The following PODXL variants were observed in gnomAD, a reference collection of about 807,000 sequenced individuals.
PODXL encodes podocalyxin like.
A neutral mutation model predicts 48.9 loss-of-function variants in PODXL; 20 were observed. That is an observed-to-expected ratio of 0.41 (90% CI 0.29 to 0.59). The LOEUF (loss-of-function observed/expected upper bound fraction) is 0.59, where lower values mean the gene tolerates loss of function less well. Ranked by LOEUF, PODXL falls within the 20% of genes least tolerant of loss-of-function variation. The pLI is 0.31. For missense variants in PODXL, 606 were observed against 675.1 expected (o/e 0.90, Z 1.13); for synonymous variants, 295 against 287.4 (o/e 1.03, Z -0.27).
rs1407895587 is a variant in PODXL at position 131,502,816 on chromosome 7, G to A, written c.*1495C>T. 6.6e-6 allele frequency: 1 copy of A among 152,660 alleles called. No homozygotes were observed. Among genetic ancestry groups the A allele is most frequent in the Admixed American group, 6.5e-5 (1 of 15,276 alleles). 9.5% of individuals were successfully genotyped at this position (152,660 alleles called of 1,614,324 possible). On this transcript the variant is annotated 3_prime_UTR_variant, in exon 9 of 9. Transcript: ENST00000378555. ...GCAGCTAACTGCCGAGCCCATAAAA[G>A]TCCTATATTGGGGAATAGACATAGC...
intron 1 of PODXL, among the ~76,000 whole-genome samples, chr7:131,527,699 C>T (rs1417214801): frequency 6.6e-6 from 1 of 152,190 alleles, no homozygotes. Context: ...CAGAGACATA[C>T]GGCAGCAGCT....
rs564129269 is a variant in PODXL at position 131,523,094 on chromosome 7, G to A, written c.101-11661C>T. The stretch of plus-strand genomic sequence containing the variant: ...GGTAACTCTTTATTTAGTATCTGGA[G>A]GGACTGCCAAGCTATTTTCCAAAGT... On this transcript the variant is annotated intron_variant, in intron 1 of 8. Coordinates refer to ENST00000378555, the MANE Select transcript of PODXL (RefSeq NM_001018111.3). Among the ~76,000 whole-genome samples the A allele has an allele frequency of 7.9e-4, 121 of 152,288 alleles. 1 individual carries two copies. Among genetic ancestry groups the A allele is most frequent in the Non-Finnish European group, 1.4e-3 (98 of 68,032 alleles).
chr7:131,525,212 A>G (rs1015367628), intron 1 of PODXL, among the ~76,000 whole-genome samples: 2 of 152,130 alleles, frequency 1.3e-5, no homozygotes, highest in Admixed American at 6.5e-5. Flanking sequence ...ACTTAATGTC[A>G]ATTTAGAAAA....
In PODXL at chr7:131,556,311, G is replaced by A. The variant is rs1479080807; in HGVS notation, c.49C>T (p.Pro17Ser). The A allele has an allele frequency of 1.3e-6, 2 of 1,507,216 alleles. No individual in the cohort carries two copies. Among genetic ancestry groups the A allele is most frequent in the African/African-American group, 1.4e-5 (1 of 69,566 alleles). The allele number at this position is 1,507,216 out of a possible 1,614,324, so 93.4% of individuals were successfully genotyped here. A position where few individuals can be genotyped will look rare whatever the true frequency, so the allele number is the denominator to read the frequency against. Residue 17 changes from proline (P) to serine (S), a missense_variant, in exon 1 of 9, where the codon CCG (proline) becomes TCG (serine). By Grantham distance (74) the Pro-to-Ser change is moderately conservative. Transcript: ENST00000378555. ...GACGGCGACGACGGCAGCAGCGGCGGCGTTGACAACAGTAGCAGCAGCGCC... is the reference window on the plus strand; with the variant it reads ...GACGGCGACGACGGCAGCAGCGGCGACGTTGACAACAGTAGCAGCAGCGCC... Reference protein sequence around the residue: ...LSALLLLLSTPPLLPSSPSPS... With the variant: ...LSALLLLLSTSPLLPSSPSPS...
At chr7:131,543,363 C>T (rs1355542935) in intron 1 of PODXL, among the ~76,000 whole-genome samples, 5 of 152,086 alleles carry the variant, frequency 3.3e-5, no homozygotes, top group African/African-American at 4.8e-5. Context: ...TGGCTTCAAA[C>T]GATCCTCCTG....
intron 1 of PODXL, among the ~76,000 whole-genome samples, chr7:131,544,433 G>C (rs956234833): frequency 1.4e-4 from 21 of 152,300 alleles, no homozygotes; most frequent in African/African-American, 4.6e-4. Context: ...GTGAACGAAA[G>C]GCCAGGACGG....
chr7:131,510,616 C>T lies in PODXL; in HGVS notation c.706+212G>A, dbSNP rs192151659. The stretch of plus-strand genomic sequence containing the variant: ...CCTCCTGAGTAGCTGGGATTACAGG[C>T]GCCTGCCACCATACCCAGCTAATGT... On this transcript the variant is annotated intron_variant, in intron 2 of 8. Coordinates refer to ENST00000378555, the MANE Select transcript of PODXL (RefSeq NM_001018111.3). Among the ~76,000 whole-genome samples the T allele has an allele frequency of 3.5e-3, 535 of 152,098 alleles. 4 individuals are homozygous for T. Among genetic ancestry groups the T allele is most frequent in the Admixed American group, 5.2e-3 (80 of 15,280 alleles).
At position 131,502,078 on chromosome 7, in the gene PODXL, C is replaced by G. The variant is rs1405622819; in HGVS notation, c.*2233G>C. 1 of 152,168 alleles carries G rather than the reference C, an allele frequency of 6.6e-6. No homozygotes were observed. The highest frequency in any genetic ancestry group is 1.9e-4 in the East Asian group (1 of 5,190). 9.4% of individuals were successfully genotyped at this position (152,168 alleles called of 1,614,324 possible). A position where few individuals can be genotyped will look rare whatever the true frequency, so the allele number is the denominator to read the frequency against. ...TCTCCAAGAGGCCATAGGGTTGCAG[C>G]CTTTGATTGATTTGCAGAGGCCTAT... On this transcript the variant is annotated 3_prime_UTR_variant, in exon 9 of 9. Transcript: ENST00000378555.
chr7:131,510,802 C>G (rs1389291844), intron 2 of PODXL, 26 bp downstream of exon 2: 1 of 1,613,838 alleles, frequency 6.2e-7, no homozygotes, highest in Non-Finnish European at 8.5e-7. Context: ...TTTCTTGGTG[C>G]TTGAAGAAAA....
At position 131,519,205 on chromosome 7, in the gene PODXL, G is replaced by A. The variant is rs984552647; in HGVS notation, c.101-7772C>T. ...CTTCAGGATATAGAGCTTTTCTCCT[G>A]TCACTGTCCAGTTTGGGCTGGTACT... On this transcript the variant is annotated intron_variant, in intron 1 of 8. Transcript: ENST00000378555. Among the ~76,000 whole-genome samples the A allele has an allele frequency of 2.6e-5, 4 of 152,152 alleles. No homozygotes were observed. In the South Asian group the frequency reaches 6.2e-4, roughly 24 times the overall value.
intron 1 of PODXL, among the ~76,000 whole-genome samples, chr7:131,537,056 G>T (rs1225876516): frequency 6.6e-6 from 1 of 152,184 alleles, no homozygotes; most frequent in Non-Finnish European, 1.5e-5. Flanking sequence ...GCCCAGGGAG[G>T]TGGAGGCTGC....
intron 1 of PODXL, among the ~76,000 whole-genome samples, chr7:131,547,695 T>C (rs567809256): frequency 6.6e-6 from 1 of 152,220 alleles, no homozygotes; most frequent in Non-Finnish European, 1.5e-5. Flanking sequence ...CAGTTAAAAG[T>C]AGGCCTTCGT....
intron 1 of PODXL, among the ~76,000 whole-genome samples, chr7:131,514,539 G>A (rs1797962787): frequency 6.6e-6 from 1 of 152,008 alleles, no homozygotes; most frequent in Admixed American, 6.6e-5. Context: ...CATCTGGCAA[G>A]ATACTAGATT....
intron 1 of PODXL, among the ~76,000 whole-genome samples, chr7:131,551,311 T>A (rs1798664146): frequency 6.6e-6 from 1 of 151,986 alleles, no homozygotes; most frequent in African/African-American, 2.4e-5. Flanking sequence ...CCCCACCAGC[T>A]GAGCTCCCTG....
chr7:131,526,376 C>G (rs1459756590), intron 1 of PODXL, among the ~76,000 whole-genome samples: 1 of 151,966 alleles, frequency 6.6e-6, no homozygotes, highest in Non-Finnish European at 1.5e-5. Flanking sequence ...CGAGTCTAAT[C>G]TGATAAATAA....
At chr7:131,539,400 G>A (rs1452365748) in intron 1 of PODXL, among the ~76,000 whole-genome samples, 2 of 152,066 alleles carry the variant, frequency 1.3e-5, no homozygotes, top group South Asian at 2.1e-4. Flanking sequence ...TTGTGATCTC[G>A]GCTTACTGCA....
chr7:131,530,918 C>T (rs1446383080), intron 1 of PODXL, among the ~76,000 whole-genome samples: 3 of 152,088 alleles, frequency 2.0e-5, no homozygotes, highest in Admixed American at 1.3e-4. Flanking sequence ...ATTAGCTGGG[C>T]GTGGTGGCAC....
chr7:131,549,246 A>G (rs1798631853), intron 1 of PODXL, among the ~76,000 whole-genome samples: 1 of 152,156 alleles, frequency 6.6e-6, no homozygotes, highest in South Asian at 2.1e-4. Context: ...TGAGGGAGTG[A>G]ACCACGTACA....
chr7:131,506,479 G>A, intron 6 of PODXL, 100 bp downstream of exon 6: 1 of 1,453,158 alleles, frequency 6.9e-7, no homozygotes, highest in South Asian at 1.2e-5. Flanking sequence ...TTAGGGAACT[G>A]AAGGGGCACC....
Sources: gnomAD v4.1 joint callset for allele counts (sites outside exome capture counted in the v4.1 genomes callset) on GRCh38, gnomAD v4.1.1 for gene constraint, MANE v1.5 for transcripts, NCBI Gene and HGNC (gene_info 2026-07-23, HGNC 2026-07-21) for gene names.